Variants in RP1 observed in about 807,000 individuals in gnomAD.
RP1 encodes oxygen-regulated protein 1.
RP1 carries 16 observed loss-of-function variants against 14.8 expected under a neutral mutation model. The observed-to-expected ratio is 1.08, with a 90% CI of 0.73 to 1.65. The LOEUF (loss-of-function observed/expected upper bound fraction) is 1.65. Ranked by LOEUF, RP1 falls within the 40% of genes most tolerant of loss-of-function variation. RP1 has a pLI of 0.00. For missense variants in RP1, 2,631 were observed against 2,535.0 expected, an observed-to-expected ratio of 1.04 and a Z score of -0.81; for synonymous variants, 876 against 883.6, an observed-to-expected ratio of 0.99 and a Z score of 0.15.
At chr8:54,663,364 T>C (rs1251068278) in intron 6 of RP1, among the ~76,000 whole-genome samples, 4 of 151,954 alleles carry the variant, frequency 2.6e-5, no homozygotes, top group East Asian at 3.9e-4. Flanking sequence ...TGAATTGATA[T>C]GGAAAGAAAA....
chr8:54,842,440 C>G (rs890873256), intron 25 of RP1, among the ~76,000 whole-genome samples: 2 of 152,184 alleles, frequency 1.3e-5, no homozygotes, highest in South Asian at 2.1e-4. Flanking sequence ...CAGTGAAGAC[C>G]TTTCTAGGCA....
intron 21 of RP1, among the ~76,000 whole-genome samples, chr8:54,757,805 G>A (rs559797119): frequency 5.3e-5 from 8 of 152,316 alleles, no homozygotes; most frequent in Middle Eastern, 3.4e-3. Flanking sequence ...CTCATGAAAC[G>A]TCCCTTGTAA....
chr8:54,734,152 T>C (rs1808856969), intron 17 of RP1, among the ~76,000 whole-genome samples: 1 of 152,314 alleles, frequency 6.6e-6, no homozygotes, highest in African/African-American at 2.4e-5. Context: ...AAACATGTTT[T>C]AATTCCCCTT....
At chr8:54,696,608 T>C in intron 12 of RP1, 1 of 770,424 alleles carries the variant, frequency 1.3e-6, no homozygotes, top group Non-Finnish European at 2.2e-6. Context: ...ACGTCTCAGA[T>C]GACCAGAAGT....
chr8:54,635,761 T>C (rs1400630992), downstream of RP1, among the ~76,000 whole-genome samples: 1 of 152,136 alleles, frequency 6.6e-6, no homozygotes, highest in South Asian at 2.1e-4. Flanking sequence ...CGTGATAAAA[T>C]GTAACGGTCA....
chr8:54,754,323 C>A (rs1414480431), intron 19 of RP1, among the ~76,000 whole-genome samples: 1 of 143,554 alleles, frequency 7.0e-6, no homozygotes, highest in African/African-American at 2.7e-5. Flanking sequence ...GATCTCCTTT[C>A]GAGTTCTCTT....
intron 3 of RP1, among the ~76,000 whole-genome samples, chr8:54,640,099 G>A (rs1218304464): frequency 2.0e-5 from 3 of 148,994 alleles, no homozygotes; most frequent in Non-Finnish European, 4.5e-5. Flanking sequence ...GGGTCTATTT[G>A]TCCCATTTTG....
downstream of RP1, among the ~76,000 whole-genome samples, chr8:54,771,077 C>T (rs1193427625): frequency 1.3e-5 from 2 of 151,954 alleles, no homozygotes; most frequent in Non-Finnish European, 2.9e-5. Flanking sequence ...GCTACTGAGA[C>T]ATAAACAGTT....
intron 7 of RP1, among the ~76,000 whole-genome samples, chr8:54,668,793 T>G (rs1452611990): frequency 1.3e-5 from 2 of 152,210 alleles, no homozygotes; most frequent in Non-Finnish European, 2.9e-5. Flanking sequence ...CCCTATTTAA[T>G]AAATGGTGCT....
chr8:54,808,310 G>T (rs1284761627), intron 24 of RP1, among the ~76,000 whole-genome samples: 4 of 152,186 alleles, frequency 2.6e-5, no homozygotes, highest in African/African-American at 9.7e-5. Flanking sequence ...GGCTCTGCAC[G>T]AAGGTGTCTT....
Position 54,626,829 on chromosome 8 carries a change from G to A in RP1, c.2947G>A (p.Gly983Arg), listed in dbSNP as rs765551546. Residue 983 changes from glycine to arginine, a missense_variant, in exon 4 of 4, where the codon GGA becomes AGA. Transcript: ENST00000220676. ...KHITKIAGLT[G>R]DNLCKEGDKS... is the part of the protein sequence containing the mutation. ...CATAACTAAAATTGCCGGTTTGACAGGAGATAATCTATGTAAAGAGGGAGA... is the reference window on the plus strand; with the variant it reads ...CATAACTAAAATTGCCGGTTTGACAAGAGATAATCTATGTAAAGAGGGAGA... 6.2e-7 allele frequency: 1 copy of A among 1,613,772 alleles called. No individual in the cohort carries two copies. Among genetic ancestry groups the A allele is most frequent in the African/African-American group, 1.3e-5 (1 of 75,030 alleles).
At chr8:54,854,041 A>G (rs561716279) in intron 26 of RP1, among the ~76,000 whole-genome samples, 1 of 152,212 alleles carries the variant, frequency 6.6e-6, no homozygotes, top group South Asian at 2.1e-4. Flanking sequence ...AAAAAGAAAT[A>G]TACTATGTTC....
At chr8:54,696,577 G>T in intron 12 of RP1, 1 of 731,106 alleles carries the variant, frequency 1.4e-6, no homozygotes, top group African/African-American at 1.8e-5. Context: ...ATGACTCCTG[G>T]CAGCAGAAAC....
intron 12 of RP1, chr8:54,697,091 GGC>G (rs1807885534): frequency 6.4e-7 from 1 of 1,570,596 alleles, no homozygotes; most frequent in African/African-American, 1.3e-5. Context: ...GGGCACACCT[GGC>G]TATCGGGGTG....
chr8:54,747,409 A>T (rs1013920979), intron 19 of RP1, among the ~76,000 whole-genome samples: 8 of 152,214 alleles, frequency 5.3e-5, no homozygotes, highest in African/African-American at 1.9e-4. Flanking sequence ...TTTATAACAC[A>T]TCCCTTATCT....
rs1309603933 is a variant in RP1, at chr8:54,670,579, A to G, written c.1324-3271A>G. On this transcript the variant is annotated intron_variant, in intron 7 of 22. Transcript: ENST00000636932. ...TATATATATACATATATATGTATGTATATGTATATATATACATATATATGT... is the reference window on the plus strand; with the variant it reads ...TATATATATACATATATATGTATGTGTATGTATATATATACATATATATGT... 2.9e-5 allele frequency among the ~76,000 whole-genome samples: 4 copies of G among 138,040 alleles called. 1 individual carries two copies. The highest frequency in any genetic ancestry group is 1.5e-4 in the Admixed American group (2 of 13,174). 90.6% of individuals were successfully genotyped at this position (138,040 alleles called of 152,430 possible). A position where few individuals can be genotyped will look rare whatever the true frequency, so the allele number is the denominator to read the frequency against.
At position 54,628,081 on chromosome 8, in the gene RP1, G is replaced by A. The variant is rs749159890; in HGVS notation, c.4199G>A (p.Gly1400Asp). ...AATGTCAGTAATTTAAGCTCCTGTG[G>A]CCTTTGCCTAAGTGAAAAAGAAGCA... ...HQNVSNLSSC[G>D]LCLSEKEAEL... The change falls in exon 4 of 4, where the codon GGC becomes GAC. Residue 1400 changes from glycine (G) to aspartate (D), a missense_variant. Physicochemically the swap from Gly to Asp is moderately conservative, Grantham distance 94. Coordinates refer to ENST00000220676, the MANE Select transcript of RP1 (RefSeq NM_006269.2). 1.2e-5 allele frequency: 20 copies of A among 1,613,986 alleles called. No individual in the cohort carries two copies. Among genetic ancestry groups the A allele is most frequent in the Non-Finnish European group, 1.7e-5 (20 of 1,179,938 alleles).
chr8:54,571,725 A>C (rs7818244), intron 1 of RP1, among the ~76,000 whole-genome samples: 1 of 151,970 alleles, frequency 6.6e-6, no homozygotes, highest in Non-Finnish European at 1.5e-5. Flanking sequence ...AGGTATCAGC[A>C]GGGTTGGTTC....
intron 24 of RP1, among the ~76,000 whole-genome samples, chr8:54,830,996 T>G (rs1811506846): frequency 6.6e-6 from 1 of 152,126 alleles, no homozygotes; most frequent in South Asian, 2.1e-4. Context: ...TAGCATCATG[T>G]TTTTTGAGTT....
Sources: gnomAD v4.1 joint callset for allele counts (sites outside exome capture counted in the v4.1 genomes callset) on GRCh38, gnomAD v4.1.1 for gene constraint, MANE v1.5 for transcripts, NCBI Gene and HGNC (gene_info 2026-07-23, HGNC 2026-07-21) for gene names.